Variants in TBC1D32 observed in about 807,000 individuals in gnomAD.
The protein encoded by TBC1D32 is protein broad-minded.
Under a neutral mutation model 170.3 loss-of-function variants are expected in TBC1D32, and 151 were observed. The ratio of observed to expected loss-of-function variants is 0.89; its 90% confidence interval spans 0.78 to 1.01. The LOEUF is 1.01. Ranked by LOEUF, TBC1D32 falls within the 50% of genes least tolerant of loss-of-function variation. The probability of loss-of-function intolerance (pLI) is 0.00; values close to 1 mark genes in which losing one functional copy is unlikely to be tolerated. For synonymous variants in TBC1D32, 498 were observed against 488.0 expected (o/e 1.02, Z -0.27); for missense variants, 1,464 against 1,457.1 (o/e 1.00, Z -0.08).
At chr6:121,173,712 G>A (rs1319836496) in intron 22 of TBC1D32, among the ~76,000 whole-genome samples, 2 of 151,972 alleles carry the variant, frequency 1.3e-5, no homozygotes, top group Non-Finnish European at 2.9e-5. Context: ...GATATATGGG[G>A]GGTACCAGGG....
intron 24 of TBC1D32, among the ~76,000 whole-genome samples, chr6:121,145,419 A>G (rs923844542): frequency 1.3e-5 from 2 of 152,008 alleles, no homozygotes; most frequent in African/African-American, 4.8e-5. Context: ...AAAAATTTAA[A>G]CTCATAGAAA....
intron 20 of TBC1D32, 96 bp downstream of exon 20, chr6:121,238,974 C>A: frequency 1.8e-6 from 1 of 557,228 alleles, no homozygotes; most frequent in Non-Finnish European, 3.2e-6. Flanking sequence ...ATTAAAAAGT[C>A]TGCTGGTTGT....
At position 121,308,749 on chromosome 6, in the gene TBC1D32, G is replaced by T. The variant is rs1406649665; in HGVS notation, c.565-648C>A. ...TGTCGCCCAGGCCAGACTGCGGACT[G>T]CAGTGGCGCAATCTCGGCTCGCTGC... is the stretch of plus-strand genomic sequence containing the variant. On this transcript the variant is annotated intron_variant, in intron 4 of 31. Coordinates refer to ENST00000398212, the MANE Select transcript of TBC1D32 (RefSeq NM_152730.6). 3.0e-5 allele frequency among the ~76,000 whole-genome samples: 4 copies of T among 135,356 alleles called. No individual in the cohort carries two copies. The East Asian group carries it at 1.1e-3, about 38-fold the overall frequency. The allele number at this position is 135,356 out of a possible 152,430, so 88.8% of individuals were successfully genotyped here.
intron 22 of TBC1D32, among the ~76,000 whole-genome samples, chr6:121,162,782 A>C (rs7763298): frequency 1.5e-5 from 2 of 129,656 alleles, no homozygotes; most frequent in Non-Finnish European, 3.3e-5. Flanking sequence ...CGCAGAAAAC[A>C]GGTGATTTCT....
intron 31 of TBC1D32, among the ~76,000 whole-genome samples, chr6:121,084,954 GGGTAA>G (rs1187949012): frequency 1.3e-5 from 2 of 151,768 alleles, no homozygotes; most frequent in African/African-American, 4.8e-5. Context: ...AGAGAAAAAA[GGGTAA>G]GGTAAGTTAC....
chr6:121,157,220 G>A lies in TBC1D32; in HGVS notation c.2773+2790C>T, dbSNP rs189526796. Among the ~76,000 whole-genome samples, 28 of 152,192 alleles carry A rather than the reference G, an allele frequency of 1.8e-4. No individual in the cohort carries two copies. The East Asian group carries it at 5.4e-3, about 29-fold the overall frequency. ...GTTGAGTGCATACATATGTAGGATA[G>A]CTAAGTCTTCTTGTTTACTTGAACA... On this transcript the variant is annotated intron_variant, in intron 24 of 31. Coordinates refer to ENST00000398212, the MANE Select transcript of TBC1D32 (RefSeq NM_152730.6).
At chr6:121,276,635 A>G (rs1303090225) in intron 15 of TBC1D32, among the ~76,000 whole-genome samples, 1 of 152,136 alleles carries the variant, frequency 6.6e-6, no homozygotes, top group Non-Finnish European at 1.5e-5. Flanking sequence ...AGACCCAACT[A>G]CATGTTGTCT....
chr6:121,241,477 G>C lies in TBC1D32; in HGVS notation c.2233C>G (p.Leu745Val). Reference sequence around the variant, plus strand: ...AGAAAACATTTACCTGACTTTTTTAGTGCAATGCCACCTGCTGCTGTTGAT... The same window carrying C: ...AGAAAACATTTACCTGACTTTTTTACTGCAATGCCACCTGCTGCTGTTGAT... ...VASTAAGGIALKKSGFINELI... is the reference protein window; with the variant it reads ...VASTAAGGIAVKKSGFINELI... Residue 745 changes from leucine to valine, a missense_variant, in exon 19 of 32, where the codon CTA becomes GTA. This residue lies in a region of TBC1D32 where 1,363 missense variants were observed against 1,338.1 expected (regional missense o/e 1.02). Coordinates refer to ENST00000398212, the MANE Select transcript of TBC1D32 (RefSeq NM_152730.6). 1 of 1,612,566 alleles carries C rather than the reference G, an allele frequency of 6.2e-7. No homozygotes were observed. The highest frequency in any genetic ancestry group is 2.2e-5 in the East Asian group (1 of 44,808).
In TBC1D32 at chr6:121,160,905, A is replaced by G. The variant is rs764898768; in HGVS notation, c.2679+43T>C. 6 of 1,511,880 alleles carry G rather than the reference A, an allele frequency of 4.0e-6. No individual in the cohort carries two copies. In the African/African-American group the frequency reaches 4.1e-5, roughly 10 times the overall value. The allele number at this position is 1,511,880 out of a possible 1,614,324, so 93.7% of individuals were successfully genotyped here. A position where few individuals can be genotyped will look rare whatever the true frequency, so the allele number is the denominator to read the frequency against. ...TGAGTTGGCTATCTTGCTTCAAAAT[A>G]TGTCAGAAAAACACATCCCACTTCT... On this transcript the variant is annotated intron_variant, in intron 23 of 31. Transcript: ENST00000398212.
At chr6:121,158,102 A>G (rs965721255) in intron 24 of TBC1D32, among the ~76,000 whole-genome samples, 4 of 152,128 alleles carry the variant, frequency 2.6e-5, no homozygotes, top group African/African-American at 7.2e-5. Context: ...CAAGTTACTT[A>G]CACTCTCTCC....
At chr6:121,147,476 A>G (rs1201895102) in intron 24 of TBC1D32, among the ~76,000 whole-genome samples, 2 of 152,144 alleles carry the variant, frequency 1.3e-5, no homozygotes, top group African/African-American at 4.8e-5. Flanking sequence ...CCCTGCCAAC[A>G]TCTGTTATTT....
chr6:121,325,863 G>C (rs2128508558), intron 1 of TBC1D32, among the ~76,000 whole-genome samples: 1 of 152,188 alleles, frequency 6.6e-6, no homozygotes, highest in African/African-American at 2.4e-5. Flanking sequence ...GAAAATTTTT[G>C]CAATCTACTC....
chr6:121,111,540 TCTA>T (rs1334886937), intron 29 of TBC1D32, among the ~76,000 whole-genome samples: 1 of 152,146 alleles, frequency 6.6e-6, no homozygotes, highest in Admixed American at 6.5e-5. Context: ...GGAAAATAGT[TCTA>T]CTGATTGCAG....
chr6:121,312,870 G>C (rs971949468), intron 3 of TBC1D32, among the ~76,000 whole-genome samples: 1 of 152,236 alleles, frequency 6.6e-6, no homozygotes, highest in Middle Eastern at 3.4e-3. Context: ...AAAAAAGATA[G>C]TGCGTTCCTC....
At chr6:121,221,720 A>C (rs1794547243) in intron 21 of TBC1D32, among the ~76,000 whole-genome samples, 1 of 152,226 alleles carries the variant, frequency 6.6e-6, no homozygotes, top group Admixed American at 6.5e-5. Flanking sequence ...ATGTGACTGA[A>C]TTGCTGCAAT....
Position 121,334,443 on chromosome 6 carries a change from A to G in TBC1D32, c.-13T>C, listed in dbSNP as rs1264765562. 5.0e-6 allele frequency: 8 copies of G among 1,611,016 alleles called. No individual in the cohort carries two copies. The highest frequency in any genetic ancestry group is 1.3e-5 in the African/African-American group (1 of 74,806). On this transcript the variant is annotated 5_prime_UTR_variant, in exon 1 of 32. The change abolishes the stop of an existing upstream ORF in the 5' untranslated region. Transcript: ENST00000398212. ...AGAAATGGGCCATCCTGTTGGAATC[A>G]AACGTCCACTCTCATTACTCCAGGT...
Position 121,280,026 on chromosome 6 carries a change from G to A in TBC1D32, c.1609-781C>T, listed in dbSNP as rs112918078. Among the ~76,000 whole-genome samples, 5 of 151,930 alleles carry A rather than the reference G, an allele frequency of 3.3e-5. 1 individual carries two copies. Among genetic ancestry groups the A allele is most frequent in the African/African-American group, 1.2e-4 (5 of 41,508 alleles). ...ACATTCTAATAAATTTAGTGGGCTAGCCTAACTAATGATTAGTCAGGTATA... is the reference window on the plus strand; with the variant it reads ...ACATTCTAATAAATTTAGTGGGCTAACCTAACTAATGATTAGTCAGGTATA... On this transcript the variant is annotated intron_variant, in intron 14 of 31. Transcript: ENST00000398212.
chr6:121,256,726 G>C (rs578125130), intron 15 of TBC1D32, among the ~76,000 whole-genome samples: 1 of 151,578 alleles, frequency 6.6e-6, no homozygotes, highest in South Asian at 2.1e-4. Flanking sequence ...AACCAGACTG[G>C]AGTGCAATGG....
chr6:121,212,722 A>G (rs7451033), intron 21 of TBC1D32, among the ~76,000 whole-genome samples: 159 of 152,104 alleles, frequency 1.0e-3, no homozygotes, highest in African/African-American at 3.3e-3. Flanking sequence ...CGGGCCCCCA[A>G]AATACTGGGA....
Sources: allele counts gnomAD v4.1 joint callset (sites outside exome capture counted in the v4.1 genomes callset), GRCh38; gene constraint gnomAD v4.1.1; regional missense constraint gnomAD v4.1.1; transcripts MANE v1.5; gene names NCBI Gene and HGNC (gene_info 2026-07-23, HGNC 2026-07-21).